The following CDC42BPB variants were observed in gnomAD, a reference collection of about 807,000 sequenced individuals.
CDC42BPB encodes the protein CDC42 binding protein kinase beta.
Under a neutral mutation model 214.9 loss-of-function variants are expected in CDC42BPB, and 37 were observed. The observed-to-expected ratio is 0.17, with a 90% confidence interval of 0.13 to 0.23. The LOEUF is 0.23. Ranked by LOEUF, CDC42BPB falls within the 10% of genes least tolerant of loss-of-function variation. The pLI, the probability that CDC42BPB is intolerant of heterozygous loss-of-function variation, is 1.00. For synonymous variants in CDC42BPB, 931 were observed against 884.0 expected (o/e 1.05, Z -0.94); for missense variants, 1,694 against 2,227.0 (o/e 0.76, Z 4.82).
chr14:103,017,744 CAGAAAGG>C lies in CDC42BPB; in HGVS notation c.176-5563_176-5557del, dbSNP rs1886546138. 5.3e-5 allele frequency among the ~76,000 whole-genome samples: 8 copies of C among 152,186 alleles called. 1 individual carries two copies. The highest frequency in any genetic ancestry group is 5.2e-4 in the Admixed American group (8 of 15,278). On this transcript the variant is annotated intron_variant, in intron 1 of 36. Transcript: ENST00000361246. Reference sequence around the variant, plus strand: ...AAGGAAAGACACAGAACTGATCACACAGAAAGGAACAAGGTCATGGTGTGTGTGGCTC... The same window carrying C: ...AAGGAAAGACACAGAACTGATCACACAACAAGGTCATGGTGTGTGTGGCTC...
chr14:103,038,325 G>A (rs555385052), intron 1 of CDC42BPB, among the ~76,000 whole-genome samples: 24 of 149,816 alleles, frequency 1.6e-4, no homozygotes, highest in Middle Eastern at 3.5e-3. Context: ...ACAACAGAGC[G>A]AGCGAGACTC....
intron 6 of CDC42BPB, 25 bp downstream of exon 6, chr14:102,986,462 G>A: frequency 4.4e-6 from 7 of 1,583,128 alleles, no homozygotes; most frequent in Non-Finnish European, 6.1e-6. Flanking sequence ...AAACCAAATG[G>A]AAAATCTCCA....
chr14:103,019,067 C>G (rs139861335), intron 1 of CDC42BPB, among the ~76,000 whole-genome samples: 9 of 152,264 alleles, frequency 5.9e-5, no homozygotes, highest in Admixed American at 2.6e-4. Context: ...CCTTGGCCTC[C>G]CCAGTAGCTG....
chr14:102,995,629 T>C (rs1253630548), intron 5 of CDC42BPB, among the ~76,000 whole-genome samples: 2 of 152,202 alleles, frequency 1.3e-5, no homozygotes, highest in East Asian at 1.9e-4. Flanking sequence ...GCTTTTGGGG[T>C]CCAGCTGCGG....
rs1280176009 is a variant in CDC42BPB at position 102,939,616 on chromosome 14, C to T, written c.4821G>A (p.Leu1607=). 3 of 1,612,538 alleles carry T rather than the reference C, an allele frequency of 1.9e-6. No homozygotes were observed. Among genetic ancestry groups the T allele is most frequent in the Non-Finnish European group, 2.5e-6 (3 of 1,178,602 alleles). The change falls in exon 34 of 37, where the codon CTG becomes CTA. Residue 1607 remains leucine, a synonymous_variant. Transcript: ENST00000361246. ...PGDGMQVLMD[L]PLSAVPPSQE... is the part of the protein sequence containing the mutation. ...ATCCCGGCCGTGCACGCACCAGAGG[C>T]AGGTCCATGAGCACCTGCATGCCGT...
rs748381545 is a variant in CDC42BPB at position 103,004,250 on chromosome 14, C to T, written c.352-227G>A. ...AAGGGCTGCTGAGGAGGCACTTGCA[C>T]CCTGCTGTCCCACGGGCACCATTTC... On this transcript the variant is annotated intron_variant, in intron 3 of 36. Transcript: ENST00000361246. The surrounding 1 kb of genome is among the most constrained non-coding windows in gnomAD (Gnocchi z 5.3). 71 of 1,137,674 alleles carry T rather than the reference C, an allele frequency of 6.2e-5. No homozygotes were observed. Among genetic ancestry groups the T allele is most frequent in the Middle Eastern group, 3.4e-4 (1 of 2,964 alleles). The allele number at this position is 1,137,674 out of a possible 1,614,324, so 70.5% of individuals were successfully genotyped here.
At chr14:103,012,737 G>A (rs778520741) in intron 1 of CDC42BPB, among the ~76,000 whole-genome samples, 14 of 152,208 alleles carry the variant, frequency 9.2e-5, no homozygotes, top group Non-Finnish European at 1.8e-4. Flanking sequence ...CCTAGGCGCC[G>A]GAGGTTACAA....
At position 103,013,774 on chromosome 14, in the gene CDC42BPB, T is replaced by G. The variant is rs570824849; in HGVS notation, c.176-1586A>C. 6.6e-5 allele frequency among the ~76,000 whole-genome samples: 10 copies of G among 152,320 alleles called. 1 individual carries two copies. Among genetic ancestry groups the G allele is most frequent in the Admixed American group, 5.2e-4 (8 of 15,310 alleles). On this transcript the variant is annotated intron_variant, in intron 1 of 36. Coordinates refer to ENST00000361246, the MANE Select transcript of CDC42BPB (RefSeq NM_006035.4). ...GAGCCTGCGAGGGACATGGCCTGGC[T>G]GACGCCCTGCCTCTGGACTTCTGGC...
At chr14:102,939,488 G>C in intron 34 of CDC42BPB, 122 bp downstream of exon 34, 1 of 719,522 alleles carries the variant, frequency 1.4e-6, no homozygotes, top group Non-Finnish European at 2.4e-6. Context: ...AGGAGCGCCA[G>C]GTCAGAGCAC....
At position 103,001,822 on chromosome 14, in the gene CDC42BPB, C is replaced by T. The variant is rs1041187749; in HGVS notation, c.447+2106G>A. The stretch of plus-strand genomic sequence containing the variant: ...GCCCTTACTAGCTGAGCCCCAGCCG[C>T]GTCCACGTCTGCCGAGAACTCTAAG... On this transcript the variant is annotated intron_variant, in intron 4 of 36. Coordinates refer to ENST00000361246, the MANE Select transcript of CDC42BPB (RefSeq NM_006035.4). This position sits in a 1 kb window ranked among gnomAD's most constrained non-coding sequence, Gnocchi z 5.8. Among the ~76,000 whole-genome samples the T allele has an allele frequency of 1.3e-5, 2 of 152,150 alleles. No homozygotes were observed. The highest frequency in any genetic ancestry group is 1.9e-4 in the East Asian group (1 of 5,180).
intron 5 of CDC42BPB, among the ~76,000 whole-genome samples, chr14:102,990,105 C>T (rs899338267): frequency 3.3e-5 from 5 of 152,064 alleles, no homozygotes; most frequent in Admixed American, 1.3e-4. Context: ...TTTGGAAGCA[C>T]GCTAACGTCC....
intron 1 of CDC42BPB, chr14:103,041,485 A>G: frequency 1.9e-5 from 25 of 1,311,400 alleles, no homozygotes; most frequent in Non-Finnish European, 2.7e-5. Flanking sequence ...CCCAGCCAGA[A>G]TGGCATGGAA....
intron 30 of CDC42BPB, among the ~76,000 whole-genome samples, chr14:102,942,438 C>A (rs1891938593): frequency 6.6e-6 from 1 of 152,236 alleles, no homozygotes; most frequent in Non-Finnish European, 1.5e-5. Flanking sequence ...CAACTCTTGG[C>A]CTGTTACCCC....
Position 102,968,658 on chromosome 14 carries a change from T to G in CDC42BPB, c.2054A>C (p.Lys685Thr). The change falls in exon 15 of 37, where the codon AAA becomes ACA. Residue 685 changes from lysine to threonine, a missense_variant. By Grantham distance (78) the Lys-to-Thr change is moderately conservative. Transcript: ENST00000361246. ...TTTCTTCTCCAGCTCGGATTTGATT[T>G]TGGAAATCTCTTGCTGGTGCTCTAA... ...ATLEHQQEIS[K>T]IKSELEKKVL... 3 of 1,614,248 alleles carry G rather than the reference T, an allele frequency of 1.9e-6. No homozygotes were observed. Among genetic ancestry groups the G allele is most frequent in the Non-Finnish European group, 2.5e-6 (3 of 1,180,046 alleles).
intron 20 of CDC42BPB, among the ~76,000 whole-genome samples, chr14:102,960,181 G>A (rs1469075950): frequency 1.3e-5 from 2 of 152,074 alleles, no homozygotes; most frequent in African/African-American, 2.4e-5. Flanking sequence ...CTCCAGCCTG[G>A]GCGACAGAGC....
chr14:103,032,793 T>C (rs1421343226), intron 1 of CDC42BPB, among the ~76,000 whole-genome samples: 1 of 151,698 alleles, frequency 6.6e-6, no homozygotes, highest in Admixed American at 6.6e-5. Flanking sequence ...GCACCACGCC[T>C]GGCTAATTTT....
chr14:102,968,879 G>A, intron 14 of CDC42BPB, 163 bp from the exon 15 acceptor site: 1 of 985,478 alleles, frequency 1.0e-6, no homozygotes, highest in Non-Finnish European at 1.2e-6. Flanking sequence ...CGTGATCCAG[G>A]TTCTAGGGGG....
chr14:103,023,505 C>T (rs1164797969), intron 1 of CDC42BPB, among the ~76,000 whole-genome samples: 1 of 152,044 alleles, frequency 6.6e-6, no homozygotes, highest in Non-Finnish European at 1.5e-5. Flanking sequence ...CGGGGTCTTG[C>T]TATGTTGCCC....
intron 4 of CDC42BPB, among the ~76,000 whole-genome samples, chr14:103,003,507 C>T (rs1895087235): frequency 6.6e-6 from 1 of 152,236 alleles, no homozygotes; most frequent in Non-Finnish European, 1.5e-5. Flanking sequence ...GGGGCACCCC[C>T]CCCACCGCGG....
Sources: allele counts gnomAD v4.1 joint callset (sites outside exome capture counted in the v4.1 genomes callset), GRCh38; gene constraint gnomAD v4.1.1; non-coding constraint Gnocchi (gnomAD v3.1); transcripts MANE v1.5; gene names NCBI Gene and HGNC (gene_info 2026-07-23, HGNC 2026-07-21).